The following TTC39B variants were observed in gnomAD, a reference collection of about 807,000 sequenced individuals.
The protein encoded by TTC39B is tetratricopeptide repeat protein 39B.
In TTC39B, 92 loss-of-function variants were observed where a neutral mutation model predicts 96.6. The ratio of observed to expected loss-of-function variants is 0.95; its 90% CI spans 0.80 to 1.13. The LOEUF is 1.13. Among genes scored for constraint, TTC39B ranks in the 50% most tolerant of loss-of-function variants. The pLI is 0.00. For synonymous variants in TTC39B, 367 were observed against 299.4 expected, an observed-to-expected ratio of 1.23 and a Z score of -2.33; for missense variants, 955 against 809.3, an observed-to-expected ratio of 1.18 and a Z score of -2.18.
At chr9:15,240,351 G>A (rs909788326) in intron 2 of TTC39B, among the ~76,000 whole-genome samples, 16 of 152,178 alleles carry the variant, frequency 1.1e-4, no homozygotes, top group Non-Finnish European at 1.9e-4. Context: ...TCTATTAAAC[G>A]AGAAACTGGC....
At chr9:15,225,978 G>A (rs1438667998) in exon 3 of TTC39B, 1 of 1,614,014 alleles carries the variant, frequency 6.2e-7, no homozygotes, top group Admixed American at 1.7e-5. Flanking sequence ...GATGCAAAGT[G>A]AAGGCTGCTT....
chr9:15,211,375 C>T (rs1564350975), exon 5 of TTC39B: 1 of 1,588,114 alleles, frequency 6.3e-7, no homozygotes, highest in African/African-American at 1.4e-5. Flanking sequence ...TAGCCCAAGG[C>T]ATGGTACATA....
intron 1 of TTC39B, among the ~76,000 whole-genome samples, chr9:15,298,498 T>A: frequency 6.6e-6 from 1 of 152,168 alleles, no homozygotes; most frequent in East Asian, 1.9e-4. Context: ...AAGGCACATC[T>A]TACATGGCAG....
chr9:15,222,971 G>T (rs184137043), intron 3 of TTC39B, among the ~76,000 whole-genome samples: 16 of 152,268 alleles, frequency 1.1e-4, no homozygotes, highest in African/African-American at 3.1e-4. Context: ...ACAAAGCTCT[G>T]GCCAGGGTGC....
intron 8 of TTC39B, among the ~76,000 whole-genome samples, 182 bp downstream of exon 8, chr9:15,199,679 G>C (rs1349097112): frequency 7.7e-6 from 1 of 129,972 alleles, no homozygotes; most frequent in Non-Finnish European, 1.6e-5. Context: ...AGCTTGCAGT[G>C]AGCCGAGATT....
chr9:15,282,030 A>G (rs1255393361), intron 1 of TTC39B, among the ~76,000 whole-genome samples: 1 of 152,208 alleles, frequency 6.6e-6, no homozygotes, highest in African/African-American at 2.4e-5. Context: ...ATACCGTAAA[A>G]CAAATTAACT....
At chr9:15,211,492 C>T (rs936026658) in intron 4 of TTC39B, 95 bp from the exon 5 acceptor site, 3 of 1,089,142 alleles carry the variant, frequency 2.8e-6, no homozygotes, top group Admixed American at 6.7e-5. Context: ...TGCACAGTAA[C>T]CTTTATTCCT....
chr9:15,194,465 G>A (rs1335910802), intron 8 of TTC39B, among the ~76,000 whole-genome samples: 1 of 152,090 alleles, frequency 6.6e-6, no homozygotes, highest in Non-Finnish European at 1.5e-5. Flanking sequence ...GTGTGTGTAA[G>A]TCCATGTGTG....
intron 17 of TTC39B, among the ~76,000 whole-genome samples, chr9:15,178,160 T>C (rs920758228): frequency 2.0e-5 from 3 of 151,656 alleles, no homozygotes; most frequent in African/African-American, 7.3e-5. Context: ...TGAGCCACCG[T>C]GCCCGGCCTT....
chr9:15,263,239 C>T (rs1288502295), intron 2 of TTC39B, among the ~76,000 whole-genome samples: 2 of 152,186 alleles, frequency 1.3e-5, no homozygotes, highest in Non-Finnish European at 2.9e-5. Context: ...AACCCACACT[C>T]TTACAAGGGA....
intron 2 of TTC39B, among the ~76,000 whole-genome samples, chr9:15,265,281 G>C (rs1823090329): frequency 6.6e-6 from 1 of 152,180 alleles, no homozygotes; most frequent in East Asian, 1.9e-4. Flanking sequence ...GCCAGTGGGA[G>C]CTCAGAGAAG....
intron 3 of TTC39B, among the ~76,000 whole-genome samples, chr9:15,218,036 C>T (rs777007580): frequency 2.9e-4 from 44 of 151,804 alleles, no homozygotes; most frequent in Non-Finnish European, 3.2e-4. Context: ...GGTGAAACCC[C>T]GTCTCTACTC....
intron 8 of TTC39B, among the ~76,000 whole-genome samples, chr9:15,199,066 C>G (rs1407345928): frequency 6.6e-6 from 1 of 152,114 alleles, no homozygotes; most frequent in African/African-American, 2.4e-5. Flanking sequence ...ACTGACAGAA[C>G]TAAAGGAAGA....
intron 2 of TTC39B, among the ~76,000 whole-genome samples, chr9:15,230,799 A>G: frequency 6.6e-6 from 1 of 152,086 alleles, no homozygotes. Context: ...AGCCTGGCCA[A>G]CATGGCAAAA....
intron 1 of TTC39B, among the ~76,000 whole-genome samples, chr9:15,288,502 A>G (rs543755512): frequency 1.1e-3 from 169 of 152,200 alleles, no homozygotes; most frequent in African/African-American, 3.8e-3. Flanking sequence ...CTGCTGGACA[A>G]CCACACTCCA....
chr9:15,177,793 T>A, exon 18 of TTC39B: 1 of 1,608,156 alleles, frequency 6.2e-7, no homozygotes, highest in East Asian at 2.2e-5. Flanking sequence ...GCACTCATCA[T>A]CCACAGAGAA....
chr9:15,293,226 C>T (rs1012626294), intron 1 of TTC39B, among the ~76,000 whole-genome samples: 6 of 152,128 alleles, frequency 3.9e-5, no homozygotes, highest in African/African-American at 1.4e-4. Flanking sequence ...TAGGCCATGC[C>T]AGAGAGCCTA....
intron 17 of TTC39B, 22 bp downstream of exon 17, chr9:15,182,285 G>A (rs371789073): frequency 2.0e-5 from 30 of 1,500,006 alleles, no homozygotes; most frequent in East Asian, 1.4e-4. Flanking sequence ...AAGGCTCCTC[G>A]GTGCTTACTG....
chr9:15,177,724 T>C (rs746734967), exon 18 of TTC39B: 1 of 1,613,390 alleles, frequency 6.2e-7, no homozygotes, highest in African/African-American at 1.3e-5. Context: ...GTAACATAGT[T>C]CAGCTTGCAA....
Sources: allele counts gnomAD v4.1 joint callset (sites outside exome capture counted in the v4.1 genomes callset), GRCh38; gene constraint gnomAD v4.1.1; transcripts MANE v1.5; gene names NCBI Gene and HGNC (gene_info 2026-07-23, HGNC 2026-07-21).